Variants in SERPINB12 observed in about 807,000 individuals in gnomAD.
SERPINB12 encodes the protein serpin family B member 12.
Under a neutral mutation model 41.1 loss-of-function variants are expected in SERPINB12, and 57 were observed. The ratio of observed to expected loss-of-function variants is 1.39; its 90% confidence interval spans 1.12 to 1.73. SERPINB12 has a LOEUF of 1.73. SERPINB12 is among the 40% of genes most tolerant of loss of function. The pLI is 0.00. For missense variants in SERPINB12, 536 were observed against 501.9 expected, an observed-to-expected ratio of 1.07 and a Z score of -0.65; for synonymous variants, 180 against 181.3, an observed-to-expected ratio of 0.99 and a Z score of 0.06.
At chr18:63,533,068 C>G in the SERPINB12 span, among the ~76,000 whole-genome samples, 3 of 152,088 alleles carry the variant, frequency 2.0e-5, no homozygotes, top group Admixed American at 2.0e-4. Flanking sequence ...AACTCCACCT[C>G]CCGGGTTCTA....
the SERPINB12 span, among the ~76,000 whole-genome samples, chr18:63,524,917 T>A: frequency 6.6e-6 from 1 of 151,902 alleles, no homozygotes; most frequent in African/African-American, 2.4e-5. Flanking sequence ...GCCTAGCTGA[T>A]TTTTGTATTT....
intron 6 of SERPINB12, 37 bp downstream of exon 6, chr18:63,564,157 A>T: frequency 6.3e-7 from 1 of 1,588,608 alleles, no homozygotes; most frequent in South Asian, 1.2e-5. Flanking sequence ...TAGCTAGCCA[A>T]CTCATAATTT....
chr18:63,536,571 C>CT, the SERPINB12 span, among the ~76,000 whole-genome samples: 2 of 152,104 alleles, frequency 1.3e-5, no homozygotes, highest in South Asian at 2.1e-4. Context: ...AGATGACTTC[C>CT]TTTTTTCTAT....
upstream of SERPINB12, among the ~76,000 whole-genome samples, chr18:63,540,263 G>A (rs1910246824): frequency 6.6e-6 from 1 of 152,160 alleles, no homozygotes; most frequent in Non-Finnish European, 1.5e-5. Flanking sequence ...AGGAAAATGG[G>A]ATGAAAAACA....
chr18:63,524,816 C>T, the SERPINB12 span, among the ~76,000 whole-genome samples: 15 of 143,478 alleles, frequency 1.0e-4, no homozygotes, highest in African/African-American at 3.6e-4. Context: ...GCGGCATGAT[C>T]TTGGCTCACT....
rs1252832210 is a variant in SERPINB12, at chr18:63,568,916, G to T, written c.*1905G>T. Among the ~76,000 whole-genome samples the T allele has an allele frequency of 2.0e-5, 3 of 152,152 alleles. No individual in the cohort carries two copies. The highest frequency in any genetic ancestry group is 2.9e-5 in the Non-Finnish European group (2 of 68,032). ...ACGTTGGTAACGTGAGGCAGTTTGA[G>T]GCAGTGCCCTATCCAGAATGCATGT... On this transcript the variant is annotated 3_prime_UTR_variant, in exon 8 of 8. Transcript: ENST00000382768.
chr18:63,528,130 TG>T, the SERPINB12 span, among the ~76,000 whole-genome samples: 1 of 152,118 alleles, frequency 6.6e-6, no homozygotes, highest in Non-Finnish European at 1.5e-5. Context: ...TACCCCATCT[TG>T]GGTATGTCTT....
rs1168243171 is a variant in SERPINB12, at chr18:63,566,728, C to T, written c.995C>T (p.Ser332Phe). 11 of 1,614,040 alleles carry T rather than the reference C, an allele frequency of 6.8e-6. No individual in the cohort carries two copies. The highest frequency in any genetic ancestry group is 2.2e-5 in the South Asian group (2 of 91,070). Residue 332 changes from serine to phenylalanine, a missense_variant, in exon 8 of 8, where the codon TCC (serine) becomes TTC (phenylalanine). Physicochemically the swap from Ser to Phe is radical, Grantham distance 155 (BLOSUM62 -2). Coordinates refer to ENST00000382768, the MANE Select transcript of SERPINB12 (RefSeq NM_001307928.2). ...CTGGAAGACAGCTATGATCTCAATT[C>T]CATTTTACAAGACATGGGCATTACG... ...FTLEDSYDLNSILQDMGITDI... is the reference protein window; with the variant it reads ...FTLEDSYDLNFILQDMGITDI...
At chr18:63,564,832 A>G (rs938271928) in intron 6 of SERPINB12, among the ~76,000 whole-genome samples, 1 of 152,120 alleles carries the variant, frequency 6.6e-6, no homozygotes, top group African/African-American at 2.4e-5. Context: ...GTTTCTGCTG[A>G]CTTAACAGTG....
chr18:63,537,615 C>A (rs1258974455), upstream of SERPINB12, among the ~76,000 whole-genome samples: 1 of 152,026 alleles, frequency 6.6e-6, no homozygotes, highest in Admixed American at 6.6e-5. Flanking sequence ...TTATTGGAAG[C>A]TTGGGAGATG....
intron 1 of SERPINB12, among the ~76,000 whole-genome samples, chr18:63,543,604 T>A (rs888645212): frequency 6.6e-5 from 10 of 151,920 alleles, no homozygotes; most frequent in African/African-American, 2.4e-4. Flanking sequence ...ATTTATTTTT[T>A]TTTTTATTGA....
At chr18:63,521,375 C>T in the SERPINB12 span, among the ~76,000 whole-genome samples, 1,439 of 152,282 alleles carry the variant, frequency 9.4e-3, 19 homozygotes, top group African/African-American at 0.033. Context: ...GTGGACCTGT[C>T]CCAGGTTGCT....
At chr18:63,524,536 C>T in the SERPINB12 span, among the ~76,000 whole-genome samples, 477 of 151,948 alleles carry the variant, frequency 3.1e-3, 1 homozygote, top group African/African-American at 0.011. Flanking sequence ...GTGATCCACC[C>T]GCTTCAGCCT....
At chr18:63,556,099 T>G in intron 1 of SERPINB12, 43 bp from the exon 2 acceptor site, 2 of 1,410,054 alleles carry the variant, frequency 1.4e-6, no homozygotes, top group Non-Finnish European at 2.0e-6. Context: ...ACTTATTTTC[T>G]TCCAATCACC....
At chr18:63,548,881 TATA>T (rs1910453145) in intron 1 of SERPINB12, among the ~76,000 whole-genome samples, 1 of 152,110 alleles carries the variant, frequency 6.6e-6, no homozygotes, top group African/African-American at 2.4e-5. Context: ...TAAAAATCTT[TATA>T]ATATTTGACC....
At chr18:63,528,136 T>C in the SERPINB12 span, among the ~76,000 whole-genome samples, 1 of 152,158 alleles carries the variant, frequency 6.6e-6, no homozygotes, top group African/African-American at 2.4e-5. Context: ...ATCTTGGGTA[T>C]GTCTTTATTA....
Position 63,566,894 on chromosome 18 carries a change from C to G in SERPINB12, c.1161C>G (p.Val387=), listed in dbSNP as rs1911125572. 3.1e-6 allele frequency: 5 copies of G among 1,614,038 alleles called. No individual in the cohort carries two copies. Among genetic ancestry groups the G allele is most frequent in the Admixed American group, 1.7e-5 (1 of 60,008 alleles). ...CAGCTGCAGCCACTGGGGCTGTTGT[C>G]TCGGAAAGGTCACTACGATCTTGGG... ...TQAAAATGAV[V]SERSLRSWVE... is the part of the protein sequence containing the mutation. Residue 387 remains valine, a synonymous_variant, in exon 8 of 8, where the codon GTC becomes GTG. Coordinates refer to ENST00000382768, the MANE Select transcript of SERPINB12 (RefSeq NM_001307928.2).
chr18:63,536,673 C>T, the SERPINB12 span, among the ~76,000 whole-genome samples: 7 of 152,084 alleles, frequency 4.6e-5, no homozygotes, highest in East Asian at 1.9e-4. Flanking sequence ...TTGGACAGAA[C>T]GATGATCTCC....
intron 4 of SERPINB12, 133 bp from the exon 5 acceptor site, chr18:63,560,952 C>T (rs1568130366): frequency 1.5e-6 from 1 of 669,436 alleles, no homozygotes; most frequent in Non-Finnish European, 2.7e-6. Context: ...TAGAAACTGT[C>T]AGGCCTGTCC....
Sources: allele counts gnomAD v4.1 joint callset (sites outside exome capture counted in the v4.1 genomes callset), GRCh38; gene constraint gnomAD v4.1.1; transcripts MANE v1.5; gene names NCBI Gene and HGNC (gene_info 2026-07-23, HGNC 2026-07-21).